Variants in TMEM119 observed in about 807,000 individuals in gnomAD.
TMEM119 encodes transmembrane protein 119.
For synonymous variants in TMEM119, 182 were observed against 176.4 expected (o/e 1.03, Z -0.25); for missense variants, 410 against 381.0 (o/e 1.08, Z -0.63).
At chr12:108,594,947 C>G (rs1471184566) in intron 1 of TMEM119, among the ~76,000 whole-genome samples, 1 of 152,100 alleles carries the variant, frequency 6.6e-6, no homozygotes, top group Non-Finnish European at 1.5e-5. Flanking sequence ...CTCAGGGGCT[C>G]ATTTTAAATG....
rs1475857156 is a variant in TMEM119, at chr12:108,591,175, T to C, written c.*357A>G. ...CCTGGTCTCAAGTGATGTCCGCACT[T>C]GGCCTCCCAAAATGCTGAGATTACA... is the stretch of plus-strand genomic sequence containing the variant. On this transcript the variant is annotated 3_prime_UTR_variant, in exon 2 of 2. Coordinates refer to ENST00000392806, the MANE Select transcript of TMEM119 (RefSeq NM_181724.3). The surrounding 1 kb of genome is among the most constrained non-coding windows in gnomAD (Gnocchi z 4.2). The C allele has an allele frequency of 9.5e-6, 2 of 210,050 alleles. No homozygotes were observed. Among genetic ancestry groups the C allele is most frequent in the Admixed American group, 5.8e-5 (1 of 17,242 alleles). 13.0% of individuals were successfully genotyped at this position (210,050 alleles called of 1,614,324 possible). A position where few individuals can be genotyped will look rare whatever the true frequency, so the allele number is the denominator to read the frequency against.
chr12:108,596,429 A>AACACACAC lies in TMEM119; in HGVS notation c.-15+1533_-15+1540dup, dbSNP rs34838480. Among the ~76,000 whole-genome samples, 1,169 of 150,428 alleles carry AACACACAC rather than the reference A, an allele frequency of 7.8e-3. 15 individuals carry two copies. The highest frequency in any genetic ancestry group is 0.026 in the African/African-American group (1,077 of 40,992). ...TACACCTACACACACATATACATACAACACACACACACACACACACACGAA... is the reference window on the plus strand; with the variant it reads ...TACACCTACACACACATATACATACAACACACACACACACACACACACACACACACGAA... On this transcript the variant is annotated intron_variant, in intron 1 of 1. Coordinates refer to ENST00000392806, the MANE Select transcript of TMEM119 (RefSeq NM_181724.3).
At position 108,591,169 on chromosome 12, in the gene TMEM119, C is replaced by T. The variant is rs918519016; in HGVS notation, c.*363G>A. The T allele has an allele frequency of 3.5e-5, 7 of 201,412 alleles. No homozygotes were observed. Among genetic ancestry groups the T allele is most frequent in the Non-Finnish European group, 6.9e-5 (7 of 101,268 alleles). The allele number at this position is 201,412 out of a possible 1,614,324, so 12.5% of individuals were successfully genotyped here. ...GGAACTCCTGGTCTCAAGTGATGTC[C>T]GCACTTGGCCTCCCAAAATGCTGAG... On this transcript the variant is annotated 3_prime_UTR_variant, in exon 2 of 2. Coordinates refer to ENST00000392806, the MANE Select transcript of TMEM119 (RefSeq NM_181724.3). The surrounding 1 kb of genome is among the most constrained non-coding windows in gnomAD (Gnocchi z 4.2).
chr12:108,592,452 T>G lies in TMEM119; in HGVS notation c.-14-55A>C. ...TGGCGGAACTCTAGAGTGTCAGGAT[T>G]CAGAAACAGGCTCACCAGCCCCCAG... On this transcript the variant is annotated intron_variant, in intron 1 of 1. Transcript: ENST00000392806. The surrounding 1 kb of genome is among the most constrained non-coding windows in gnomAD (Gnocchi z 4.3). The G allele has an allele frequency of 6.7e-7, 1 of 1,484,588 alleles. No homozygotes were observed. The highest frequency in any genetic ancestry group is 1.3e-5 in the South Asian group (1 of 75,088). 92.0% of individuals were successfully genotyped at this position (1,484,588 alleles called of 1,614,324 possible). A position where few individuals can be genotyped will look rare whatever the true frequency, so the allele number is the denominator to read the frequency against.
chr12:108,592,144 G>T lies in TMEM119; in HGVS notation c.240C>A (p.Pro80=), dbSNP rs781320651. 9.3e-6 allele frequency: 15 copies of T among 1,614,124 alleles called. No individual in the cohort carries two copies. Among genetic ancestry groups the T allele is most frequent in the Non-Finnish European group, 1.3e-5 (15 of 1,179,988 alleles). ...QPITLGGPSP[P]TNFLDGIVDF... ...CCACTATCCCATCCAGGAAGTTGGT[G>T]GGGGGTGATGGGCCCCCCAGGGTTA... is the stretch of plus-strand genomic sequence containing the variant. The change falls in exon 2 of 2, where the codon CCC becomes CCA. Residue 80 remains proline, a synonymous_variant. Transcript: ENST00000392806. This position sits in a 1 kb window ranked among gnomAD's most constrained non-coding sequence, Gnocchi z 4.3.
At chr12:108,594,549 T>TGAAAAAAAAAA (rs1565882682) in intron 1 of TMEM119, 1 of 34,262 alleles carries the variant, frequency 2.9e-5, no homozygotes, top group African/African-American at 2.8e-4. Context: ...CAAGAACCTG[T>TGAAAAAAAAAA]CAAAAAAAAA....
In TMEM119 at chr12:108,591,496, G is replaced by C. The variant is rs764758707; in HGVS notation, c.*36C>G. The C allele has an allele frequency of 4.6e-6, 7 of 1,537,358 alleles. No individual in the cohort carries two copies. The South Asian group carries it at 8.8e-5, about 19-fold the overall frequency. ...ATACACGGGGAGGTGACCACTTGGG[G>C]GCCCGACAGTCAGGGCTGGCAGCCC... On this transcript the variant is annotated 3_prime_UTR_variant, in exon 2 of 2. Coordinates refer to ENST00000392806, the MANE Select transcript of TMEM119 (RefSeq NM_181724.3). This position sits in a 1 kb window ranked among gnomAD's most constrained non-coding sequence, Gnocchi z 4.2.
In TMEM119 at chr12:108,591,703, C is replaced by G; in HGVS notation, c.681G>C (p.Glu227Asp). Residue 227 changes from glutamate (E) to aspartate (D), a missense_variant, in exon 2 of 2, where the codon GAG becomes GAC. Transcript: ENST00000392806. This position sits in a 1 kb window ranked among gnomAD's most constrained non-coding sequence, Gnocchi z 4.2. Reference protein sequence around the residue: ...QEVQGHGVPVETPEAQEEPCS... With the variant: ...QEVQGHGVPVDTPEAQEEPCS... ...ACGGCTCCTCCTGCGCCTCTGGTGT[C>G]TCCACTGGGACCCCATGTCCCTGGA... is the stretch of plus-strand genomic sequence containing the variant. 2 of 1,613,154 alleles carry G rather than the reference C, an allele frequency of 1.2e-6. No individual in the cohort carries two copies. The highest frequency in any genetic ancestry group is 1.7e-4 in the Middle Eastern group (1 of 6,058).
In TMEM119 at chr12:108,591,584, A is replaced by T. The variant is rs769322011; in HGVS notation, c.800T>A (p.Val267Glu). Residue 267 changes from valine to glutamate, a missense_variant, in exon 2 of 2, where the codon GTG becomes GAG. Val to Glu is a moderately radical substitution (Grantham distance 121). Coordinates refer to ENST00000392806, the MANE Select transcript of TMEM119 (RefSeq NM_181724.3). The surrounding 1 kb of genome is among the most constrained non-coding windows in gnomAD (Gnocchi z 4.2). ...AGCACAGGGGCTTTCGGGGGGACCC[A>T]CTGGTCCCTGGGCTTCCTGGGCTAA... is the stretch of plus-strand genomic sequence containing the variant. ...LLLAQEAQGPVGPPESPCACS... is the reference protein window; with the variant it reads ...LLLAQEAQGPEGPPESPCACS... 1 of 1,613,330 alleles carries T rather than the reference A, an allele frequency of 6.2e-7. No homozygotes were observed. Among genetic ancestry groups the T allele is most frequent in the Non-Finnish European group, 8.5e-7 (1 of 1,179,658 alleles).
Position 108,591,871 on chromosome 12 carries a change from C to G in TMEM119, c.513G>C (p.Gln171His). 6.2e-7 allele frequency: 1 copy of G among 1,608,460 alleles called. No homozygotes were observed. The highest frequency in any genetic ancestry group is 8.5e-7 in the Non-Finnish European group (1 of 1,177,478). Residue 171 changes from glutamine to histidine, a missense_variant, in exon 2 of 2, where the codon CAG becomes CAC. Gln to His is a conservative substitution (Grantham distance 24, BLOSUM62 0). Coordinates refer to ENST00000392806, the MANE Select transcript of TMEM119 (RefSeq NM_181724.3). The surrounding 1 kb of genome is among the most constrained non-coding windows in gnomAD (Gnocchi z 4.2). ...TGGCGGCCAAGATGTCGGCCTGGAG[C>G]TGCCGGGAGGAATCCAGGGCTTCCT... ...RPEEALDSSR[Q>H]LQADILAATQ... is the part of the protein sequence containing the mutation.
At chr12:108,593,890 C>T (rs576899059) in intron 1 of TMEM119, among the ~76,000 whole-genome samples, 3 of 152,370 alleles carry the variant, frequency 2.0e-5, no homozygotes, top group South Asian at 2.1e-4. Flanking sequence ...AACCCCTGCC[C>T]GGCCCAGCAG....
In TMEM119 at chr12:108,591,409, T is replaced by C. The variant is rs937159296; in HGVS notation, c.*123A>G. The C allele has an allele frequency of 1.7e-6, 2 of 1,153,396 alleles. No individual in the cohort carries two copies. Among genetic ancestry groups the C allele is most frequent in the South Asian group, 1.5e-5 (1 of 64,890 alleles). 71.4% of individuals were successfully genotyped at this position (1,153,396 alleles called of 1,614,324 possible). On this transcript the variant is annotated 3_prime_UTR_variant, in exon 2 of 2. Transcript: ENST00000392806. The surrounding 1 kb of genome is among the most constrained non-coding windows in gnomAD (Gnocchi z 4.2). ...GCTGTAGAATCAGCACATGCTGGGA[T>C]TGGCACCACAGGGAGGCCAAGGAGG...
At chr12:108,595,509 CAT>C (rs1565882932) in intron 1 of TMEM119, among the ~76,000 whole-genome samples, 2 of 151,674 alleles carry the variant, frequency 1.3e-5, no homozygotes, top group African/African-American at 2.4e-5. Flanking sequence ...ACACGCCACA[CAT>C]ACCCATATAC....
rs1182167670 is a variant in TMEM119, at chr12:108,590,687, A to G, written c.*845T>C. On this transcript the variant is annotated 3_prime_UTR_variant, in exon 2 of 2. Transcript: ENST00000392806. ...ACTCCAGCCTGGGTGACAGACCGAGACTCCGTCTCAAAAAAAAAAATCTTG... is the reference window on the plus strand; with the variant it reads ...ACTCCAGCCTGGGTGACAGACCGAGGCTCCGTCTCAAAAAAAAAAATCTTG... 1.3e-5 allele frequency: 2 copies of G among 151,804 alleles called. No individual in the cohort carries two copies. The highest frequency in any genetic ancestry group is 1.9e-4 in the East Asian group (1 of 5,150). 9.4% of individuals were successfully genotyped at this position (151,804 alleles called of 1,614,324 possible). A position where few individuals can be genotyped will look rare whatever the true frequency, so the allele number is the denominator to read the frequency against.
In TMEM119 at chr12:108,590,552, C is replaced by A. The variant is rs1000234390; in HGVS notation, c.*980G>T. The A allele has an allele frequency of 6.6e-6, 1 of 152,112 alleles. No individual in the cohort carries two copies. Among genetic ancestry groups the A allele is most frequent in the African/African-American group, 2.4e-5 (1 of 41,424 alleles). The allele number at this position is 152,112 out of a possible 1,614,324, so 9.4% of individuals were successfully genotyped here. A position where few individuals can be genotyped will look rare whatever the true frequency, so the allele number is the denominator to read the frequency against. On this transcript the variant is annotated 3_prime_UTR_variant, in exon 2 of 2. Transcript: ENST00000392806. ...TCTCTACTAAAAATACAAAATTTAG[C>A]TGGGCGCAGTGGTGGGCACCTGTAA... is the stretch of plus-strand genomic sequence containing the variant.
rs112073168 is a variant in TMEM119, at chr12:108,592,200, G to A, written c.184C>T (p.Leu62Phe). The change falls in exon 2 of 2, where the codon CTC becomes TTC. Residue 62 changes from leucine (L) to phenylalanine (F), a missense_variant. Transcript: ENST00000392806. The surrounding 1 kb of genome is among the most constrained non-coding windows in gnomAD (Gnocchi z 4.3). ...PSLPPPWTPALSPTSMGPQPI... is the reference protein window; with the variant it reads ...PSLPPPWTPAFSPTSMGPQPI... Reference sequence around the variant, plus strand: ...TGGGGCCCCATCGATGTGGGGCTGAGGGCCGGGGTCCAGGGTGGCGGGAGG... The same window carrying A: ...TGGGGCCCCATCGATGTGGGGCTGAAGGCCGGGGTCCAGGGTGGCGGGAGG... 45,323 of 1,613,598 alleles carry A rather than the reference G, an allele frequency of 0.028. 839 individuals are homozygous for A. The highest frequency in any genetic ancestry group is 0.069 in the South Asian group (6,309 of 91,066).
chr12:108,595,698 A>T (rs1349170486), intron 1 of TMEM119, among the ~76,000 whole-genome samples: 1 of 152,134 alleles, frequency 6.6e-6, no homozygotes, highest in Non-Finnish European at 1.5e-5. Context: ...ACACATGCAC[A>T]CACCACACAC....
In TMEM119 at chr12:108,591,522, G is replaced by A. The variant is rs372239092; in HGVS notation, c.*10C>T. On this transcript the variant is annotated 3_prime_UTR_variant, in exon 2 of 2. Coordinates refer to ENST00000392806, the MANE Select transcript of TMEM119 (RefSeq NM_181724.3). The surrounding 1 kb of genome is among the most constrained non-coding windows in gnomAD (Gnocchi z 4.2). ...GCCCGACAGTCAGGGCTGGCAGCCCGGGAGGACTGTTAGACACTGGGGTGG... is the reference window on the plus strand; with the variant it reads ...GCCCGACAGTCAGGGCTGGCAGCCCAGGAGGACTGTTAGACACTGGGGTGG... The A allele has an allele frequency of 2.2e-5, 34 of 1,571,914 alleles. No individual in the cohort carries two copies. The highest frequency in any genetic ancestry group is 1.9e-4 in the African/African-American group (14 of 73,664).
chr12:108,594,782 G>C (rs1238083736), intron 1 of TMEM119, among the ~76,000 whole-genome samples: 3 of 151,838 alleles, frequency 2.0e-5, no homozygotes, highest in Non-Finnish European at 4.4e-5. Flanking sequence ...AAATAAAAAA[G>C]TAGCCAGGCC....
Sources: gnomAD v4.1 joint callset for allele counts (sites outside exome capture counted in the v4.1 genomes callset) on GRCh38, gnomAD v4.1.1 for gene constraint, Gnocchi (gnomAD v3.1) non-coding constraint, MANE v1.5 for transcripts, NCBI Gene and HGNC (gene_info 2026-07-23, HGNC 2026-07-21) for gene names.